PXN: variants seen among roughly 807,000 people sequenced by gnomAD.
PXN encodes the protein testicular tissue protein Li 134.
In PXN, 61 loss-of-function variants were observed where a neutral mutation model predicts 103.6. That is an observed-to-expected ratio of 0.59 (90% CI 0.48 to 0.73). The LOEUF (loss-of-function observed/expected upper bound fraction) is 0.73. PXN is among the 30% of genes least tolerant of loss of function. The probability of loss-of-function intolerance (pLI) is 0.00; values close to 1 mark genes in which losing one functional copy is unlikely to be tolerated. For synonymous variants in PXN, 562 were observed against 607.8 expected (o/e 0.92, Z 1.11); for missense variants, 1,274 against 1,460.3 (o/e 0.87, Z 2.08).
At chr12:120,248,540 A>C (rs1468821547) in intron 1 of PXN, among the ~76,000 whole-genome samples, 1 of 135,952 alleles carries the variant, frequency 7.4e-6, no homozygotes, top group South Asian at 2.4e-4. Flanking sequence ...ACACACACAC[A>C]CCAGACTGTC....
intron 1 of PXN, chr12:120,250,158 G>T (rs1891918891): frequency 1.0e-6 from 1 of 985,620 alleles, no homozygotes; most frequent in Non-Finnish European, 1.2e-6. Flanking sequence ...AGTACACAGG[G>T]GAAATGGCAA....
intron 1 of PXN, chr12:120,226,449 G>T (rs1402293513): frequency 7.8e-7 from 1 of 1,288,716 alleles, no homozygotes. Flanking sequence ...GCTGGATGAA[G>T]TGACAATGCT....
chr12:120,214,032 C>G lies in PXN; in HGVS notation c.2831-42G>C, dbSNP rs375124475. On this transcript the variant is annotated intron_variant, in intron 13 of 14. Coordinates refer to ENST00000637617, the MANE Select transcript of PXN (RefSeq NM_001385981.1). The surrounding 1 kb of genome is among the most constrained non-coding windows in gnomAD (Gnocchi z 5.0). The stretch of plus-strand genomic sequence containing the variant: ...TTGGAGGCACAGTTCATTCCGGCTT[C>G]CAGAAGTGGAGCCACTCTGACTCCA... 45 of 1,601,656 alleles carry G rather than the reference C, an allele frequency of 2.8e-5. No individual in the cohort carries two copies. The African/African-American group carries it at 5.9e-4, about 21-fold the overall frequency.
Position 120,219,903 on chromosome 12 carries a change from A to G in PXN, c.1020T>C (p.Leu340=). 6.3e-7 allele frequency: 1 copy of G among 1,598,332 alleles called. No individual in the cohort carries two copies. Among genetic ancestry groups the G allele is most frequent in the South Asian group, 1.1e-5 (1 of 91,078 alleles). Residue 340 remains leucine (L), a synonymous_variant, in exon 7 of 15, where the codon CTT becomes CTC. Coordinates refer to ENST00000637617, the MANE Select transcript of PXN (RefSeq NM_001385981.1). The surrounding 1 kb of genome is among the most constrained non-coding windows in gnomAD (Gnocchi z 6.5). The stretch of plus-strand genomic sequence containing the variant: ...GCCAGCTGGGGGCTACAGGAGGTAG[A>G]AGGCCTCGTCCACTCTGCTCAGTAC... ...FPCTEQSGRG[L]LPPVAPSWLD... is the part of the protein sequence containing the mutation.
Position 120,214,845 on chromosome 12 carries a change from A to C in PXN, c.2728T>G (p.Cys910Gly), listed in dbSNP as rs1480668790. The change falls in exon 12 of 15, where the codon TGC becomes GGC. Residue 910 changes from cysteine to glycine, a missense_variant. This residue lies in a region of PXN where 1,178 missense variants were observed against 1,309.0 expected (regional missense o/e 0.90). Transcript: ENST00000637617. The surrounding 1 kb of genome is among the most constrained non-coding windows in gnomAD (Gnocchi z 5.0). The part of the protein sequence containing the change: ...HNLFSPRCYY[C>G]NGPILDKVVT... ...CTCACATCCAGGATGGGGCCGTTGC[A>C]GTAGTAGCAGCGCGGGGAGAAGAGG... The C allele has an allele frequency of 6.2e-7, 1 of 1,613,994 alleles. No homozygotes were observed. Among genetic ancestry groups the C allele is most frequent in the Non-Finnish European group, 8.5e-7 (1 of 1,179,874 alleles).
At position 120,221,660 on chromosome 12, in the gene PXN, T is replaced by A. The variant is rs767994087; in HGVS notation, c.794A>T (p.Glu265Val). Residue 265 changes from glutamate (E) to valine (V), a missense_variant, in exon 6 of 15, where the codon GAG becomes GTG. Coordinates refer to ENST00000637617, the MANE Select transcript of PXN (RefSeq NM_001385981.1). This position sits in a 1 kb window ranked among gnomAD's most constrained non-coding sequence, Gnocchi z 6.6. ...TRISASSATR[E>V]LDELMASLSD... The stretch of plus-strand genomic sequence containing the variant: ...CAGCGAAGCCATCAGCTCGTCCAGC[T>A]CCCTGGTGGCAGAGGAGGCCGAGAT... The A allele has an allele frequency of 6.4e-7, 1 of 1,563,858 alleles. No homozygotes were observed. The highest frequency in any genetic ancestry group is 8.7e-7 in the Non-Finnish European group (1 of 1,154,360).
intron 1 of PXN, among the ~76,000 whole-genome samples, chr12:120,237,061 C>T (rs1889188870): frequency 6.6e-6 from 1 of 152,054 alleles, no homozygotes; most frequent in South Asian, 2.1e-4. Flanking sequence ...CTCAGTCTCT[C>T]ACAGTGCTAG....
Position 120,215,771 on chromosome 12 carries a change from C to A in PXN, c.2302-110G>T. 1 of 1,311,482 alleles carries A rather than the reference C, an allele frequency of 7.6e-7. No homozygotes were observed. 81.2% of individuals were successfully genotyped at this position (1,311,482 alleles called of 1,614,324 possible). A position where few individuals can be genotyped will look rare whatever the true frequency, so the allele number is the denominator to read the frequency against. ...AATCTAGGATGAGATCTGAGGGTTT[C>A]TCCCCCACCGGCAGGACCAAAATTG... On this transcript the variant is annotated intron_variant, in intron 9 of 14. Coordinates refer to ENST00000637617, the MANE Select transcript of PXN (RefSeq NM_001385981.1). This position sits in a 1 kb window ranked among gnomAD's most constrained non-coding sequence, Gnocchi z 4.9.
intron 1 of PXN, chr12:120,226,575 G>A: frequency 8.3e-7 from 1 of 1,200,840 alleles, no homozygotes; most frequent in Non-Finnish European, 1.1e-6. Context: ...CCACCACAAT[G>A]TGATTCTAAG....
intron 1 of PXN, among the ~76,000 whole-genome samples, chr12:120,231,534 C>T (rs530182819): frequency 1.3e-5 from 2 of 152,044 alleles, no homozygotes; most frequent in Non-Finnish European, 2.9e-5. Flanking sequence ...GGGGAGAAGG[C>T]CCAGGAGTCT....
intron 1 of PXN, among the ~76,000 whole-genome samples, chr12:120,236,167 C>G (rs1481048417): frequency 6.6e-6 from 1 of 152,224 alleles, no homozygotes. Context: ...CACAAGAGGG[C>G]TGCAGAGGGC....
intron 1 of PXN, among the ~76,000 whole-genome samples, chr12:120,257,583 G>A (rs935724284): frequency 7.2e-5 from 11 of 152,188 alleles, no homozygotes; most frequent in African/African-American, 2.7e-4. Flanking sequence ...TCAGAGCCAA[G>A]AGGGCCACTG....
At position 120,220,216 on chromosome 12, in the gene PXN, A is replaced by C; in HGVS notation, c.832-125T>G. On this transcript the variant is annotated intron_variant, in intron 6 of 14. Transcript: ENST00000637617. The surrounding 1 kb of genome is among the most constrained non-coding windows in gnomAD (Gnocchi z 6.1). ...CAAGGTGGCTGCAAAGCTGACGCAC[A>C]GGACTGACCCTTGAAGGAGACCCAG... 2.1e-6 allele frequency: 1 copy of C among 470,018 alleles called. No homozygotes were observed. Among genetic ancestry groups the C allele is most frequent in the East Asian group, 3.0e-5 (1 of 32,800 alleles). The allele number at this position is 470,018 out of a possible 1,614,324, so 29.1% of individuals were successfully genotyped here.
intron 1 of PXN, chr12:120,227,130 A>G (rs1887026019): frequency 1.0e-5 from 10 of 986,884 alleles, no homozygotes; most frequent in Non-Finnish European, 1.1e-5. Flanking sequence ...TGAAAAGAAA[A>G]GAAAAGTAAT....
chr12:120,222,801 T>C lies in PXN; in HGVS notation c.494-51A>G. ...GCTCAGCCCTTGAGCCCTCCTGGGA[T>C]CTAGAGGTCAGCAGATGGGCCCTGG... On this transcript the variant is annotated intron_variant, in intron 4 of 14. Transcript: ENST00000637617. This position sits in a 1 kb window ranked among gnomAD's most constrained non-coding sequence, Gnocchi z 4.7. 3.1e-6 allele frequency: 5 copies of C among 1,603,628 alleles called. No homozygotes were observed. In the South Asian group the frequency reaches 5.6e-5, roughly 18 times the overall value.
In PXN at chr12:120,229,892, C is replaced by A. The variant is rs553519584; in HGVS notation, c.14-5515G>T. Among the ~76,000 whole-genome samples the A allele has an allele frequency of 1.3e-5, 2 of 152,156 alleles. No individual in the cohort carries two copies. The highest frequency in any genetic ancestry group is 2.9e-5 in the Non-Finnish European group (2 of 68,020). On this transcript the variant is annotated intron_variant, in intron 1 of 14. Transcript: ENST00000637617. The surrounding 1 kb of genome is among the most constrained non-coding windows in gnomAD (Gnocchi z 4.0). ...GGCTGCCCTGCCACACCAGCCCCAG[C>A]GCCAGGGCCCCGTGGTCCCTGCCCA...
rs1357143410 is a variant in PXN, at chr12:120,228,289, C to T, written c.14-3912G>A. Among the ~76,000 whole-genome samples the T allele has an allele frequency of 6.6e-6, 1 of 152,238 alleles. No homozygotes were observed. Among genetic ancestry groups the T allele is most frequent in the Non-Finnish European group, 1.5e-5 (1 of 68,042 alleles). On this transcript the variant is annotated intron_variant, in intron 1 of 14. Transcript: ENST00000637617. This position sits in a 1 kb window ranked among gnomAD's most constrained non-coding sequence, Gnocchi z 4.7. ...CACCCTGAAGGAGGAAGCTCTCTCT[C>T]TGGGGCTTCCCAACCACTTTCTGGA...
In PXN at chr12:120,215,432, A is replaced by T. The variant is rs887677081; in HGVS notation, c.2403+128T>A. 4 of 1,452,122 alleles carry T rather than the reference A, an allele frequency of 2.8e-6. No homozygotes were observed. The highest frequency in any genetic ancestry group is 3.6e-6 in the Non-Finnish European group (4 of 1,104,368). The allele number at this position is 1,452,122 out of a possible 1,614,324, so 90.0% of individuals were successfully genotyped here. A position where few individuals can be genotyped will look rare whatever the true frequency, so the allele number is the denominator to read the frequency against. ...GGCCAGGAGCCCTAAAGTGGGAGTG[A>T]CGTCAGCAGGACTCCTGGTGGTCGG... On this transcript the variant is annotated intron_variant, in intron 10 of 14. Coordinates refer to ENST00000637617, the MANE Select transcript of PXN (RefSeq NM_001385981.1). This position sits in a 1 kb window ranked among gnomAD's most constrained non-coding sequence, Gnocchi z 4.9.
chr12:120,265,203 G>T lies in PXN; in HGVS notation c.13+414C>A, dbSNP rs1300234043. Among the ~76,000 whole-genome samples, 2 of 144,662 alleles carry T rather than the reference G, an allele frequency of 1.4e-5. No individual in the cohort carries two copies. Among genetic ancestry groups the T allele is most frequent in the Non-Finnish European group, 3.0e-5 (2 of 65,840 alleles). 94.9% of individuals were successfully genotyped at this position (144,662 alleles called of 152,430 possible). A position where few individuals can be genotyped will look rare whatever the true frequency, so the allele number is the denominator to read the frequency against. ...CAGCTGCTCCCCGAGTTGGGCGGTC[G>T]ATCTGTGAGGTGGGGGTGGGGAGAG... On this transcript the variant is annotated intron_variant, in intron 1 of 14. Transcript: ENST00000637617. The surrounding 1 kb of genome is among the most constrained non-coding windows in gnomAD (Gnocchi z 5.7).
Sources: gnomAD v4.1 joint callset for allele counts (sites outside exome capture counted in the v4.1 genomes callset) on GRCh38, gnomAD v4.1.1 for gene constraint, gnomAD v4.1.1 regional missense constraint, Gnocchi (gnomAD v3.1) non-coding constraint, MANE v1.5 for transcripts, NCBI Gene and HGNC (gene_info 2026-07-23, HGNC 2026-07-21) for gene names.